Variants in FBN2 observed in about 807,000 individuals in gnomAD.
FBN2 encodes the protein fibrillin-2.
FBN2 carries 105 observed loss-of-function variants against 355.6 expected under a neutral mutation model. The ratio of observed to expected loss-of-function variants is 0.30; its 90% CI spans 0.25 to 0.35. The LOEUF (loss-of-function observed/expected upper bound fraction) is 0.35, where lower values mean the gene tolerates loss of function less well. FBN2 is among the 10% of genes least tolerant of loss of function. FBN2 has a pLI of 1.00. For missense variants in FBN2, 3,280 were observed against 3,758.7 expected, an observed-to-expected ratio of 0.87 and a Z score of 3.33; for synonymous variants, 1,350 against 1,301.2, an observed-to-expected ratio of 1.04 and a Z score of -0.81.
chr5:128,328,478 C>A, intron 34 of FBN2: 1 of 633,176 alleles, frequency 1.6e-6, no homozygotes, highest in Middle Eastern at 4.2e-4. Flanking sequence ...TCCAAACTTC[C>A]AACTACTGGC....
intron 55 of FBN2, among the ~76,000 whole-genome samples, chr5:128,284,505 C>A (rs1416176134): frequency 6.6e-6 from 1 of 152,214 alleles, no homozygotes; most frequent in Non-Finnish European, 1.5e-5. Flanking sequence ...TGTGTAATTA[C>A]TCATCTTTGA....
At chr5:128,328,400 C>A (rs183527717) in intron 34 of FBN2, 6 of 596,788 alleles carry the variant, frequency 1.0e-5, no homozygotes, top group Non-Finnish European at 1.8e-5. Context: ...AGTTTCTCCA[C>A]ATGTCATTCA....
intron 5 of FBN2, among the ~76,000 whole-genome samples, chr5:128,482,956 A>G (rs1333863104): frequency 6.6e-6 from 1 of 152,230 alleles, no homozygotes. Context: ...GTGGCCATCA[A>G]TGCTGAATTG....
At chr5:128,329,091 A>T (rs1750627427) in intron 33 of FBN2, among the ~76,000 whole-genome samples, 1 of 152,198 alleles carries the variant, frequency 6.6e-6, no homozygotes, top group Non-Finnish European at 1.5e-5. Context: ...GGAGAAACGC[A>T]GACATCTCTC....
intron 11 of FBN2, among the ~76,000 whole-genome samples, chr5:128,383,381 A>C (rs1008018192): frequency 6.6e-6 from 1 of 152,110 alleles, no homozygotes; most frequent in Non-Finnish European, 1.5e-5. Context: ...GCAAAAACTG[A>C]AGAAAACCCT....
intron 12 of FBN2, among the ~76,000 whole-genome samples, 160 bp from the exon 13 acceptor site, chr5:128,378,037 T>G (rs933227400): frequency 5.1e-5 from 6 of 117,166 alleles, no homozygotes; most frequent in Admixed American, 1.0e-4. Flanking sequence ...GATAGGTAGG[T>G]GCAAGCAATT....
intron 25 of FBN2, among the ~76,000 whole-genome samples, chr5:128,342,807 A>G (rs536762665): frequency 6.6e-6 from 1 of 151,884 alleles, no homozygotes; most frequent in African/African-American, 2.4e-5. Flanking sequence ...CGGCTCACCA[A>G]AACCTCCGCT....
chr5:128,421,778 C>T (rs940370808), intron 7 of FBN2, among the ~76,000 whole-genome samples: 13 of 152,256 alleles, frequency 8.5e-5, no homozygotes, highest in Admixed American at 3.3e-4. Flanking sequence ...AAAGCTATTA[C>T]GTTTTAAGAA....
intron 62 of FBN2, among the ~76,000 whole-genome samples, chr5:128,271,253 C>T (rs1472628026): frequency 6.6e-6 from 1 of 152,192 alleles, no homozygotes; most frequent in South Asian, 2.1e-4. Context: ...GACCACAGTG[C>T]CCCTTTCTGC....
intron 64 of FBN2, among the ~76,000 whole-genome samples, chr5:128,260,193 A>G (rs1250577722): frequency 1.3e-5 from 2 of 148,572 alleles, no homozygotes; most frequent in Non-Finnish European, 3.0e-5. Flanking sequence ...TTAGGTAATG[A>G]TTTTTTTTTT....
At chr5:128,440,316 T>C (rs1005422844) in intron 7 of FBN2, among the ~76,000 whole-genome samples, 2 of 152,168 alleles carry the variant, frequency 1.3e-5, no homozygotes, top group Non-Finnish European at 2.9e-5. Flanking sequence ...GACTGGGTAA[T>C]ATATAAAGAA....
At chr5:128,269,722 T>C (rs1344063825) in intron 62 of FBN2, among the ~76,000 whole-genome samples, 1 of 151,962 alleles carries the variant, frequency 6.6e-6, no homozygotes, top group Admixed American at 6.5e-5. Context: ...CCCAAGGAAA[T>C]AAGAGAGGAC....
chr5:128,312,665 G>T lies in FBN2; in HGVS notation c.4848C>A (p.Asn1616Lys), dbSNP rs954942000. Reference sequence around the variant, plus strand: ...TGACAGGGGGGCATGTCTCACAGGGGTTTCCCCAGGCCTTTCCCAGAGAGC... The same window carrying T: ...TGACAGGGGGGCATGTCTCACAGGGTTTTCCCCAGGCCTTTCCCAGAGAGC... ...CCCSLGKAWG[N>K]PCETCPPVNS... The change falls in exon 37 of 65, where the codon AAC (asparagine) becomes AAA (lysine). Residue 1616 changes from asparagine to lysine, a missense_variant. Physicochemically the swap from Asn to Lys is moderately conservative, Grantham distance 94. Transcript: ENST00000262464. The T allele has an allele frequency of 1.9e-6, 3 of 1,613,854 alleles. No individual in the cohort carries two copies. Among genetic ancestry groups the T allele is most frequent in the Non-Finnish European group, 2.5e-6 (3 of 1,179,996 alleles).
chr5:128,496,152 T>C (rs1755651146), intron 5 of FBN2, among the ~76,000 whole-genome samples: 2 of 152,078 alleles, frequency 1.3e-5, no homozygotes, highest in Non-Finnish European at 1.5e-5. Context: ...TCCAAAATAA[T>C]AAGAGGAAAG....
chr5:128,499,678 T>C (rs76756230), intron 5 of FBN2, among the ~76,000 whole-genome samples: 18,249 of 152,232 alleles, frequency 0.12, 1,462 homozygotes, highest in African/African-American at 0.23. Context: ...AACACTGATC[T>C]AGCCCAATGT....
At chr5:128,446,914 T>C (rs1332978389) in intron 6 of FBN2, among the ~76,000 whole-genome samples, 1 of 152,154 alleles carries the variant, frequency 6.6e-6, no homozygotes, top group Non-Finnish European at 1.5e-5. Flanking sequence ...AGCATGGAAA[T>C]TGTGAAGATT....
chr5:128,455,990 C>CAAACAAAAA (rs1754376180), intron 6 of FBN2, among the ~76,000 whole-genome samples: 1 of 25,274 alleles, frequency 4.0e-5, no homozygotes, highest in African/African-American at 1.1e-4. Context: ...GGGTTAGCAA[C>CAAACAAAAA]AAAAAAAAAA....
rs1313211491 is a variant in FBN2, at chr5:128,391,992, G to T, written c.1603+26C>A. ...TAATAGCTACTAAAAAAACTAAGAA[G>T]GATTATTAAAGAATCACAAACTTAC... On this transcript the variant is annotated intron_variant, in intron 11 of 64. Coordinates refer to ENST00000262464, the MANE Select transcript of FBN2 (RefSeq NM_001999.4). 2 of 1,606,226 alleles carry T rather than the reference G, an allele frequency of 1.2e-6. 1 individual carries two copies. The highest frequency in any genetic ancestry group is 2.2e-5 in the South Asian group (2 of 90,898).
Position 128,277,891 on chromosome 5 carries a change from G to A in FBN2, c.7460C>T (p.Thr2487Ile). Residue 2487 changes from threonine (T) to isoleucine (I), a missense_variant, in exon 58 of 65, where the codon ACC becomes ATC. This residue lies in a region of FBN2 where 2,284 missense variants were observed against 2,749.5 expected (regional missense o/e 0.83). Transcript: ENST00000262464. ...GTGCCCATCGTTACCTATACAAGAG[G>A]TTCCACTGATGTCTGTGGTGTAGCC... ...KVGYTTDISG[T>I]SCIDLDECSQ... The A allele has an allele frequency of 3.7e-6, 6 of 1,614,106 alleles. No individual in the cohort carries two copies. Among genetic ancestry groups the A allele is most frequent in the Non-Finnish European group, 5.1e-6 (6 of 1,180,006 alleles).
Sources: gnomAD v4.1 joint callset for allele counts (sites outside exome capture counted in the v4.1 genomes callset) on GRCh38, gnomAD v4.1.1 for gene constraint, gnomAD v4.1.1 regional missense constraint, MANE v1.5 for transcripts, NCBI Gene and HGNC (gene_info 2026-07-23, HGNC 2026-07-21) for gene names.